The following DNAI4 variants were observed in gnomAD, a reference collection of about 807,000 sequenced individuals.
DNAI4 encodes the protein dynein axonemal intermediate chain 4, also known as WD repeat domain 78.
A neutral mutation model predicts 105.8 loss-of-function variants in DNAI4; 85 were observed. The observed-to-expected ratio is 0.80, with a 90% confidence interval of 0.67 to 0.96. The LOEUF is 0.96. DNAI4 is among the 40% of genes least tolerant of loss of function. The pLI, the probability that DNAI4 is intolerant of heterozygous loss-of-function variation, is 0.00. For missense variants in DNAI4, 1,014 were observed against 1,005.6 expected (o/e 1.01, Z -0.11); for synonymous variants, 352 against 331.5 (o/e 1.06, Z -0.67).
At chr1:66,821,921 G>A (rs919034045) in intron 16 of DNAI4, among the ~76,000 whole-genome samples, 7 of 152,064 alleles carry the variant, frequency 4.6e-5, no homozygotes, top group South Asian at 4.1e-4. Context: ...TTTGAAGAAC[G>A]TGGAATAAGA....
chr1:66,825,013 C>T (rs1645719472), intron 15 of DNAI4, among the ~76,000 whole-genome samples: 1 of 152,106 alleles, frequency 6.6e-6, no homozygotes, highest in African/African-American at 2.4e-5. Context: ...CTTGATAGGA[C>T]CCACTCCTTA....
At chr1:66,856,345 C>T (rs1439317116) in intron 7 of DNAI4, among the ~76,000 whole-genome samples, 1 of 151,010 alleles carries the variant, frequency 6.6e-6, no homozygotes, top group Non-Finnish European at 1.5e-5. Context: ...TGGTGGCGGG[C>T]GCCTGTAGTC....
chr1:66,913,122 CT>C (rs1375638799), intron 1 of DNAI4, among the ~76,000 whole-genome samples: 3 of 152,024 alleles, frequency 2.0e-5, no homozygotes, highest in African/African-American at 4.8e-5. Flanking sequence ...TTTTTCTTTC[CT>C]GCTTCTAAGA....
chr1:66,882,443 T>G (rs568175019), intron 4 of DNAI4, among the ~76,000 whole-genome samples: 8 of 152,348 alleles, frequency 5.3e-5, no homozygotes, highest in Non-Finnish European at 1.0e-4. Flanking sequence ...TACTTTTGCA[T>G]TTTAACTTTA....
intron 1 of DNAI4, among the ~76,000 whole-genome samples, chr1:66,918,093 A>G (rs557061723): frequency 1.3e-5 from 2 of 152,328 alleles, no homozygotes; most frequent in African/African-American, 4.8e-5. Context: ...GCTTGGCTTT[A>G]AAAGAGTCTT....
chr1:66,882,899 A>T (rs1268821021), intron 4 of DNAI4, among the ~76,000 whole-genome samples: 9 of 152,172 alleles, frequency 5.9e-5, no homozygotes, highest in Non-Finnish European at 1.3e-4. Flanking sequence ...ATATCTTTAC[A>T]ATACTGAATG....
At position 66,833,681 on chromosome 1, in the gene DNAI4, T is replaced by G. The variant is rs1449707682; in HGVS notation, c.1917A>C (p.Thr639=). The change falls in exon 13 of 17, where the codon ACA becomes ACC. Residue 639 remains threonine (T), a synonymous_variant. Coordinates refer to ENST00000371026, the MANE Select transcript of DNAI4 (RefSeq NM_024763.5). Reference sequence around the variant, plus strand: ...CCCCTCCTTTTTTGTTACTGGCAGCTGTAGTTCTCTTTAATCGCATCAAAT... The same window carrying G: ...CCCCTCCTTTTTTGTTACTGGCAGCGGTAGTTCTCTTTAATCGCATCAAAT... ...CYDLMRLKRT[T]AASNKKGGEK... The G allele has an allele frequency of 6.2e-7, 1 of 1,613,288 alleles. No homozygotes were observed. The highest frequency in any genetic ancestry group is 2.2e-5 in the East Asian group (1 of 44,842).
At chr1:66,891,127 T>A in intron 4 of DNAI4, 27 bp downstream of exon 4, 1 of 1,489,146 alleles carries the variant, frequency 6.7e-7, no homozygotes, top group South Asian at 1.1e-5. Flanking sequence ...GGACTGTTAC[T>A]GAAATAAACA....
chr1:66,865,896 G>A (rs928009299), intron 6 of DNAI4, among the ~76,000 whole-genome samples: 2 of 152,156 alleles, frequency 1.3e-5, no homozygotes, highest in Non-Finnish European at 2.9e-5. Flanking sequence ...TTCACAAAAA[G>A]GGAGGAGTAA....
rs1645459493 is a variant in DNAI4 at position 66,813,845 on chromosome 1, A to G, written c.*285T>C. On this transcript the variant is annotated 3_prime_UTR_variant, in exon 17 of 17. Coordinates refer to ENST00000371026, the MANE Select transcript of DNAI4 (RefSeq NM_024763.5). ...ATTTTCTAACCCATTTAGACATTGT[A>G]TAAGAATGTACATGTACTCATATGT... 2 of 245,400 alleles carry G rather than the reference A, an allele frequency of 8.1e-6. No individual in the cohort carries two copies. The highest frequency in any genetic ancestry group is 1.5e-5 in the Non-Finnish European group (2 of 129,522). 15.2% of individuals were successfully genotyped at this position (245,400 alleles called of 1,614,324 possible).
At chr1:66,823,426 T>C (rs1445089679) in intron 15 of DNAI4, among the ~76,000 whole-genome samples, 2 of 151,974 alleles carry the variant, frequency 1.3e-5, no homozygotes, top group African/African-American at 4.8e-5. Context: ...ATATACCCAG[T>C]AATGGGATGG....
intron 10 of DNAI4, 150 bp from the exon 11 acceptor site, chr1:66,835,927 T>C (rs1645976652): frequency 9.1e-6 from 6 of 661,608 alleles, no homozygotes; most frequent in African/African-American, 3.6e-5. Flanking sequence ...ATTTCCAGTA[T>C]AGAAAATAAT....
chr1:66,917,525 A>G (rs1407890266), intron 1 of DNAI4, among the ~76,000 whole-genome samples: 1 of 152,262 alleles, frequency 6.6e-6, no homozygotes, highest in Non-Finnish European at 1.5e-5. Context: ...CAAGCAGAAC[A>G]GGAGTTAACT....
intron 8 of DNAI4, among the ~76,000 whole-genome samples, chr1:66,844,172 T>A (rs1646220498): frequency 6.6e-6 from 1 of 151,222 alleles, no homozygotes; most frequent in Admixed American, 6.6e-5. Context: ...ATGATAGATA[T>A]GTTAACGTGC....
chr1:66,896,190 T>A (rs563202739), intron 2 of DNAI4, among the ~76,000 whole-genome samples: 10 of 152,214 alleles, frequency 6.6e-5, no homozygotes, highest in African/African-American at 2.2e-4. Flanking sequence ...TTTAAATCAC[T>A]CATATAAATT....
In DNAI4 at chr1:66,814,045, A is replaced by T; in HGVS notation, c.*85T>A. 5.3e-6 allele frequency: 5 copies of T among 936,852 alleles called. No individual in the cohort carries two copies. The highest frequency in any genetic ancestry group is 7.5e-6 in the Non-Finnish European group (5 of 662,670). The allele number at this position is 936,852 out of a possible 1,614,324, so 58.0% of individuals were successfully genotyped here. A position where few individuals can be genotyped will look rare whatever the true frequency, so the allele number is the denominator to read the frequency against. On this transcript the variant is annotated 3_prime_UTR_variant, in exon 17 of 17. Transcript: ENST00000371026. ...TCAAATATTGTTTTCTGAAATCAAA[A>T]TCTGGTGTACAGTATGTAATACAGA...
chr1:66,817,756 T>C (rs17495916), intron 16 of DNAI4, among the ~76,000 whole-genome samples: 71,529 of 152,032 alleles, frequency 0.47, 17,460 homozygotes, highest in South Asian at 0.6. Context: ...TGCAGACTTC[T>C]GTGAGATGAT....
chr1:66,871,632 G>A, intron 5 of DNAI4, 123 bp from the exon 6 acceptor site: 1 of 968,330 alleles, frequency 1.0e-6, no homozygotes, highest in Non-Finnish European at 1.5e-6. Context: ...AAAGTGAAGT[G>A]AGACTTCAAA....
At chr1:66,864,735 G>A (rs919820798) in intron 6 of DNAI4, among the ~76,000 whole-genome samples, 5 of 152,168 alleles carry the variant, frequency 3.3e-5, no homozygotes, top group East Asian at 3.9e-4. Context: ...CAGCTACTCC[G>A]GAGGCTGAGG....
Sources: gnomAD v4.1 joint callset for allele counts (sites outside exome capture counted in the v4.1 genomes callset) on GRCh38, gnomAD v4.1.1 for gene constraint, MANE v1.5 for transcripts, NCBI Gene and HGNC (gene_info 2026-07-23, HGNC 2026-07-21) for gene names.